Variants in RTTN observed in about 807,000 individuals in gnomAD.
The protein encoded by RTTN is rotatin.
In RTTN, 182 loss-of-function variants were observed where a neutral mutation model predicts 269.2. The observed-to-expected ratio is 0.68, with a 90% CI of 0.60 to 0.76. RTTN has a LOEUF of 0.76. Ranked by LOEUF, RTTN falls within the 30% of genes least tolerant of loss-of-function variation. RTTN has a pLI of 0.00. For missense variants in RTTN, 2,545 were observed against 2,608.6 expected (o/e 0.98, Z 0.53); for synonymous variants, 1,006 against 963.5 (o/e 1.04, Z -0.82).
intron 11 of RTTN, among the ~76,000 whole-genome samples, chr18:70,173,221 G>A (rs752997811): frequency 7.9e-5 from 12 of 152,072 alleles, no homozygotes; most frequent in South Asian, 2.1e-4. Context: ...TGGGCCAGGC[G>A]CGGTGGCTCA....
chr18:70,187,975 C>T (rs1273041781), intron 10 of RTTN, 133 bp downstream of exon 10: 1 of 601,332 alleles, frequency 1.7e-6, no homozygotes, highest in African/African-American at 1.9e-5. Context: ...CTATTTATAA[C>T]ATAAGCCTGG....
chr18:70,191,252 T>G (rs1475165550), intron 8 of RTTN, among the ~76,000 whole-genome samples: 3 of 152,040 alleles, frequency 2.0e-5, no homozygotes, highest in Non-Finnish European at 4.4e-5. Flanking sequence ...ATATTTTGCT[T>G]GTCAGGCTGA....
intron 28 of RTTN, among the ~76,000 whole-genome samples, chr18:70,095,126 G>A (rs932547768): frequency 4.5e-4 from 17 of 37,776 alleles, no homozygotes; most frequent in African/African-American, 6.5e-4. Flanking sequence ...TGCAACTCCT[G>A]CTTTTTTTTT....
At chr18:70,073,814 C>A (rs1204066542) in intron 34 of RTTN, 92 bp downstream of exon 34, 2 of 876,978 alleles carry the variant, frequency 2.3e-6, no homozygotes, top group Non-Finnish European at 3.8e-6. Flanking sequence ...GCTGTTATAA[C>A]CTTACACTTT....
chr18:70,205,356 CAA>C, intron 1 of RTTN, 41 bp from the exon 2 acceptor site: 1 of 1,607,064 alleles, frequency 6.2e-7, no homozygotes, highest in Non-Finnish European at 8.5e-7. Context: ...TTCCCGACTG[CAA>C]AGAGACTACG....
intron 14 of RTTN, among the ~76,000 whole-genome samples, chr18:70,161,114 T>TATGTTATCA (rs2060817898): frequency 1.3e-5 from 2 of 152,174 alleles, no homozygotes; most frequent in Non-Finnish European, 2.9e-5. Context: ...GGGGCTACAG[T>TATGTTATCA]AACCAAAACA....
intron 4 of RTTN, among the ~76,000 whole-genome samples, chr18:70,200,803 A>G (rs947314544): frequency 6.6e-6 from 1 of 152,320 alleles, no homozygotes; most frequent in African/African-American, 2.4e-5. Flanking sequence ...AAAGTTTTCA[A>G]CCTTTCTAAT....
rs145975483 is a variant in RTTN, at chr18:70,201,223, G to A, written c.487+671C>T. Among the ~76,000 whole-genome samples, 31 of 152,298 alleles carry A rather than the reference G, an allele frequency of 2.0e-4. 1 individual carries two copies. Among genetic ancestry groups the A allele is most frequent in the African/African-American group, 7.0e-4 (29 of 41,564 alleles). On this transcript the variant is annotated intron_variant, in intron 4 of 48. Transcript: ENST00000640769. ...GAAACTAAAATGATCTTCAGCCTCT[G>A]GCTGGCGTAACTGGATAGATGGTGC... is the stretch of plus-strand genomic sequence containing the variant.
At chr18:70,148,809 C>G in intron 17 of RTTN, 92 bp downstream of exon 17, 1 of 1,487,240 alleles carries the variant, frequency 6.7e-7, no homozygotes, top group Non-Finnish European at 9.2e-7. Flanking sequence ...CTTAAAAATT[C>G]TTTAGTTTTG....
chr18:70,006,702 C>T (rs1418051070), intron 46 of RTTN: 1 of 443,200 alleles, frequency 2.3e-6, no homozygotes, highest in Non-Finnish European at 4.1e-6. Flanking sequence ...GTCAAAGACA[C>T]TGAAGCTGCT....
chr18:70,196,537 A>C lies in RTTN; in HGVS notation c.805T>G (p.Phe269Val), dbSNP rs141156594. Residue 269 changes from phenylalanine (F) to valine (V), a missense_variant, in exon 7 of 49, where the codon TTT becomes GTT. Coordinates refer to ENST00000640769, the MANE Select transcript of RTTN (RefSeq NM_173630.4). The stretch of plus-strand genomic sequence containing the variant: ...GAGAAAAAACCTGGATCTCGGTGAA[A>C]GTTAAGTCTGTTTCTTAAATACATG... The part of the protein sequence containing the change: ...LCMYLRNRLN[F>V]HRDPGFFSNK... 11 of 1,612,320 alleles carry C rather than the reference A, an allele frequency of 6.8e-6. No homozygotes were observed. Among genetic ancestry groups the C allele is most frequent in the Non-Finnish European group, 9.3e-6 (11 of 1,179,628 alleles).
chr18:70,021,106 T>G (rs1294951643), intron 44 of RTTN: 1 of 268,938 alleles, frequency 3.7e-6, no homozygotes, highest in Non-Finnish European at 6.9e-6. Flanking sequence ...AGAAAACATC[T>G]AAATAAAGGC....
chr18:70,155,033 A>G (rs1260996402), intron 14 of RTTN, among the ~76,000 whole-genome samples: 2 of 152,198 alleles, frequency 1.3e-5, no homozygotes, highest in African/African-American at 4.8e-5. Flanking sequence ...TGTGATATCT[A>G]AGCCCACCTA....
In RTTN at chr18:70,150,880, CCTGT is replaced by C. The variant is rs60448685; in HGVS notation, c.1930-151_1930-148del. ...AACAAGACAGAATGAAAAAGATTCT[CCTGT>C]CTAACAGTTTCTTAGTTTGTAGGAG... On this transcript the variant is annotated intron_variant, in intron 14 of 48. Coordinates refer to ENST00000640769, the MANE Select transcript of RTTN (RefSeq NM_173630.4). 508,613 of 555,670 alleles carry C rather than the reference CCTGT, an allele frequency of 0.92. 237,898 individuals carry two copies. The highest frequency in any genetic ancestry group is 1 in the East Asian group (30,681 of 30,692). 34.4% of individuals were successfully genotyped at this position (555,670 alleles called of 1,614,324 possible).
Position 70,098,616 on chromosome 18 carries a change from TAATA to T in RTTN, c.3904-5816_3904-5813del, listed in dbSNP as rs763275556. ...AGTATACTGACAGTTGAACCTTTTT[TAATA>T]TTTATAATTAAAAAATGAAGTTTAT... is the stretch of plus-strand genomic sequence containing the variant. On this transcript the variant is annotated intron_variant, in intron 28 of 48. Coordinates refer to ENST00000640769, the MANE Select transcript of RTTN (RefSeq NM_173630.4). Among the ~76,000 whole-genome samples, 43 of 152,292 alleles carry T rather than the reference TAATA, an allele frequency of 2.8e-4. No individual in the cohort carries two copies. In the Middle Eastern group the frequency reaches 0.01, roughly 36 times the overall value.
chr18:70,149,535 CTTT>C (rs869242205), intron 16 of RTTN, among the ~76,000 whole-genome samples: 1 of 37,554 alleles, frequency 2.7e-5, no homozygotes, highest in African/African-American at 4.4e-5. Flanking sequence ...AGAAGGATTG[CTTT>C]TTTAAAAAAA....
chr18:70,134,580 G>A (rs768192826), intron 22 of RTTN, 39 bp from the exon 23 acceptor site: 3 of 1,444,108 alleles, frequency 2.1e-6, no homozygotes, highest in Non-Finnish European at 1.9e-6. Flanking sequence ...AGAAACAACT[G>A]AGTAGACCAA....
chr18:70,174,542 A>T (rs572848949), intron 11 of RTTN, among the ~76,000 whole-genome samples: 1 of 152,252 alleles, frequency 6.6e-6, no homozygotes, highest in Non-Finnish European at 1.5e-5. Context: ...GCAATTCAGC[A>T]TAGTGTTATT....
chr18:70,143,473 T>C (rs1297259533), intron 18 of RTTN, among the ~76,000 whole-genome samples: 1 of 152,154 alleles, frequency 6.6e-6, no homozygotes, highest in Non-Finnish European at 1.5e-5. Context: ...GAGGCCATTA[T>C]CCTTAGCAAA....
Sources: allele counts gnomAD v4.1 joint callset (sites outside exome capture counted in the v4.1 genomes callset), GRCh38; gene constraint gnomAD v4.1.1; transcripts MANE v1.5; gene names NCBI Gene and HGNC (gene_info 2026-07-23, HGNC 2026-07-21).